SLC8A1: variants seen among roughly 807,000 people sequenced by gnomAD.
The protein encoded by SLC8A1 is sodium/calcium exchanger 1.
A neutral mutation model predicts 68.3 loss-of-function variants in SLC8A1; 18 were observed. The observed-to-expected ratio is 0.26, with a 90% CI of 0.18 to 0.39. SLC8A1 has a LOEUF of 0.39. Among genes scored for constraint, SLC8A1 ranks in the 10% least tolerant of loss-of-function variants. The pLI, the probability that SLC8A1 is intolerant of heterozygous loss-of-function variation, is 1.00. For missense variants in SLC8A1, 985 were observed against 1,156.7 expected (o/e 0.85, Z 2.15); for synonymous variants, 475 against 415.5 (o/e 1.14, Z -1.74).
chr2:40,402,321 C>A (rs1462298486), intron 2 of SLC8A1, among the ~76,000 whole-genome samples: 1 of 152,170 alleles, frequency 6.6e-6, no homozygotes, highest in Non-Finnish European at 1.5e-5. Flanking sequence ...ACCCTCAGTT[C>A]CAAGAATTGC....
intron 2 of SLC8A1, among the ~76,000 whole-genome samples, chr2:40,292,487 C>G (rs576973995): frequency 5.9e-5 from 9 of 152,088 alleles, no homozygotes; most frequent in African/African-American, 1.2e-4. Flanking sequence ...CAGAGTCACC[C>G]CTCTAGAGAC....
intron 2 of SLC8A1, among the ~76,000 whole-genome samples, chr2:40,420,796 C>A (rs1695286872): frequency 6.6e-6 from 1 of 152,128 alleles, no homozygotes; most frequent in African/African-American, 2.4e-5. Context: ...ATACATATTC[C>A]TCCTTGTGTA....
intron 2 of SLC8A1, among the ~76,000 whole-genome samples, chr2:40,263,071 C>T (rs1051999662): frequency 6.6e-6 from 1 of 152,190 alleles, no homozygotes; most frequent in Admixed American, 6.5e-5. Flanking sequence ...AGTCCTTCAG[C>T]GAATGACTTA....
chr2:40,493,329 T>G (rs1450232865), intron 1 of SLC8A1, among the ~76,000 whole-genome samples: 1 of 98,924 alleles, frequency 1.0e-5, no homozygotes, highest in South Asian at 4.0e-4. Context: ...GGAACATCAC[T>G]CTCTGGGGAC....
chr2:40,243,151 C>T (rs2148975856), intron 2 of SLC8A1, among the ~76,000 whole-genome samples: 1 of 152,146 alleles, frequency 6.6e-6, no homozygotes, highest in East Asian at 1.9e-4. Context: ...TAAGGAAACC[C>T]CTAAATCTTT....
chr2:40,305,917 G>A (rs1435648710), intron 2 of SLC8A1, among the ~76,000 whole-genome samples: 1 of 152,148 alleles, frequency 6.6e-6, no homozygotes, highest in East Asian at 1.9e-4. Flanking sequence ...CAACAACTAA[G>A]AGGAGCATTG....
intron 2 of SLC8A1, among the ~76,000 whole-genome samples, chr2:40,413,251 G>T (rs987540852): frequency 6.6e-6 from 1 of 152,030 alleles, no homozygotes; most frequent in African/African-American, 2.4e-5. Context: ...CCCATTACTG[G>T]GTATATACCC....
At chr2:40,164,877 T>C (rs773730544) in exon 5 of SLC8A1, 8 of 1,613,980 alleles carry the variant, frequency 5.0e-6, no homozygotes, top group South Asian at 4.4e-5. Context: ...GATTCTTCAA[T>C]GATCACTTCC....
intron 2 of SLC8A1, among the ~76,000 whole-genome samples, chr2:40,225,240 C>A (rs1442003596): frequency 6.6e-6 from 1 of 152,134 alleles, no homozygotes; most frequent in East Asian, 1.9e-4. Flanking sequence ...AGTTGTGTGA[C>A]TGTGGGCATA....
At chr2:40,362,866 T>A (rs993693085) in intron 2 of SLC8A1, among the ~76,000 whole-genome samples, 11 of 152,136 alleles carry the variant, frequency 7.2e-5, no homozygotes, top group Admixed American at 6.6e-4. Flanking sequence ...TTCTGTGGAT[T>A]TCTTGGGAAT....
chr2:40,099,333 A>C (rs2033760893), exon 8 of SLC8A1: 1 of 152,076 alleles, frequency 6.6e-6, no homozygotes, highest in Non-Finnish European at 1.5e-5. Flanking sequence ...CAAGTCGTGG[A>C]GATTACATTC....
At chr2:40,326,256 T>C (rs530494148) in intron 2 of SLC8A1, among the ~76,000 whole-genome samples, 1 of 152,284 alleles carries the variant, frequency 6.6e-6, no homozygotes, top group Admixed American at 6.5e-5. Flanking sequence ...TTACCCCTTA[T>C]TTTGTACTTG....
intron 2 of SLC8A1, among the ~76,000 whole-genome samples, chr2:40,316,020 C>T (rs987772816): frequency 6.6e-6 from 1 of 151,988 alleles, no homozygotes; most frequent in African/African-American, 2.4e-5. Context: ...TGCATACAAG[C>T]ATCACATGCA....
At chr2:40,353,996 G>A (rs1260706971) in intron 2 of SLC8A1, among the ~76,000 whole-genome samples, 1 of 152,212 alleles carries the variant, frequency 6.6e-6, no homozygotes, top group East Asian at 1.9e-4. Flanking sequence ...CACAATGCCA[G>A]GTTGAACATT....
chr2:40,133,287 C>A (rs976091489), intron 7 of SLC8A1, among the ~76,000 whole-genome samples: 1 of 151,506 alleles, frequency 6.6e-6, no homozygotes, highest in East Asian at 1.9e-4. Context: ...ATATCAAGTT[C>A]TTTCTATGGA....
At chr2:40,289,833 C>T (rs773827869) in intron 2 of SLC8A1, among the ~76,000 whole-genome samples, 4 of 151,598 alleles carry the variant, frequency 2.6e-5, no homozygotes, top group Non-Finnish European at 5.9e-5. Flanking sequence ...TGCATTCCAG[C>T]TTAGGCGACA....
intron 2 of SLC8A1, among the ~76,000 whole-genome samples, chr2:40,248,237 T>C (rs915006033): frequency 2.6e-5 from 4 of 152,302 alleles, no homozygotes; most frequent in Admixed American, 2.0e-4. Context: ...GATTTGAAAT[T>C]GATTTCTAAG....
At chr2:40,099,789 A>G (rs533837672) in exon 8 of SLC8A1, 1 of 152,112 alleles carries the variant, frequency 6.6e-6, no homozygotes, top group African/African-American at 2.4e-5. Context: ...TCAGTGGGAA[A>G]CACAATTGCC....
chr2:40,429,281 T>G, exon 2 of SLC8A1: 1 of 1,614,008 alleles, frequency 6.2e-7, no homozygotes, highest in Non-Finnish European at 8.5e-7. Context: ...TGCTTCTGCT[T>G]AAGTTCCTTC....
Sources: gnomAD v4.1 joint callset for allele counts (sites outside exome capture counted in the v4.1 genomes callset) on GRCh38, gnomAD v4.1.1 for gene constraint, MANE v1.5 for transcripts, NCBI Gene and HGNC (gene_info 2026-07-23, HGNC 2026-07-21) for gene names.